Variants in RPTOR observed in about 807,000 individuals in gnomAD.
The protein encoded by RPTOR is regulatory associated protein of MTOR complex 1, also known as regulatory-associated protein of mTOR.
In RPTOR, 21 loss-of-function variants were observed where a neutral mutation model predicts 169.9. The ratio of observed to expected loss-of-function variants is 0.12; its 90% confidence interval spans 0.09 to 0.18. The LOEUF is 0.18. RPTOR is among the 10% of genes least tolerant of loss of function. The pLI, the probability that RPTOR is intolerant of heterozygous loss-of-function variation, is 1.00. For synonymous variants in RPTOR, 732 were observed against 753.2 expected (o/e 0.97, Z 0.46); for missense variants, 1,133 against 1,855.9 (o/e 0.61, Z 7.16).
At chr17:80,914,843 G>C (rs1248293432) in intron 21 of RPTOR, among the ~76,000 whole-genome samples, 1 of 152,248 alleles carries the variant, frequency 6.6e-6, no homozygotes, top group Non-Finnish European at 1.5e-5. Flanking sequence ...GGGCAGAAAG[G>C]GGCAGGTCCC....
chr17:80,646,317 T>C lies in RPTOR; in HGVS notation c.348+2507T>C, dbSNP rs1207554893. Reference sequence around the variant, plus strand: ...AGAAATTAGCCTAAGGTAACGGATGTCACAGGATACCTCTGACCGGCTCCC... The same window carrying C: ...AGAAATTAGCCTAAGGTAACGGATGCCACAGGATACCTCTGACCGGCTCCC... On this transcript the variant is annotated intron_variant, in intron 3 of 33. Coordinates refer to ENST00000306801, the MANE Select transcript of RPTOR (RefSeq NM_020761.3). This position sits in a 1 kb window ranked among gnomAD's most constrained non-coding sequence, Gnocchi z 5.0. Among the ~76,000 whole-genome samples the C allele has an allele frequency of 6.6e-6, 1 of 152,216 alleles. No homozygotes were observed. The highest frequency in any genetic ancestry group is 1.5e-5 in the Non-Finnish European group (1 of 68,040).
intron 21 of RPTOR, among the ~76,000 whole-genome samples, chr17:80,910,560 G>A (rs1220633583): frequency 1.3e-5 from 2 of 152,114 alleles, no homozygotes; most frequent in Non-Finnish European, 2.9e-5. Context: ...GCGTTGCCTC[G>A]GGTATCACTC....
intron 1 of RPTOR, among the ~76,000 whole-genome samples, chr17:80,567,332 C>T (rs1442542567): frequency 6.6e-6 from 1 of 151,286 alleles, no homozygotes; most frequent in African/African-American, 2.4e-5. Flanking sequence ...TTCAATATTA[C>T]ATCTTTAAGT....
rs75551483 is a variant in RPTOR at position 80,831,600 on chromosome 17, G to A, written c.1137-6322G>A. Among the ~76,000 whole-genome samples, 1,287 of 152,318 alleles carry A rather than the reference G, an allele frequency of 8.4e-3. 17 individuals are homozygous for A. The highest frequency in any genetic ancestry group is 0.029 in the African/African-American group (1,198 of 41,564). ...TATCACTGTCCATCGGAATCCCGCC[G>A]AGGCTCTGGAGGCAGAGATGTCAGA... On this transcript the variant is annotated intron_variant, in intron 9 of 33. Transcript: ENST00000306801.
At chr17:80,867,636 A>C (rs571468764) in intron 13 of RPTOR, among the ~76,000 whole-genome samples, 1 of 152,234 alleles carries the variant, frequency 6.6e-6, no homozygotes, top group Non-Finnish European at 1.5e-5. Flanking sequence ...AGTTTAATCT[A>C]TTTTAAAGTG....
At chr17:80,921,169 A>C (rs568723182) in intron 21 of RPTOR, among the ~76,000 whole-genome samples, 3 of 152,346 alleles carry the variant, frequency 2.0e-5, no homozygotes, top group Admixed American at 6.5e-5. Context: ...ATTCTAAGTG[A>C]ATAATTAAAA....
chr17:80,653,292 C>T (rs2065654706), intron 3 of RPTOR, among the ~76,000 whole-genome samples: 2 of 152,200 alleles, frequency 1.3e-5, no homozygotes. Flanking sequence ...CACCGTGGCT[C>T]ATGCCCGTGG....
Position 80,618,331 on chromosome 17 carries a change from A to G in RPTOR, c.163-7360A>G, listed in dbSNP as rs150695700. On this transcript the variant is annotated intron_variant, in intron 1 of 33. Transcript: ENST00000306801. Reference sequence around the variant, plus strand: ...TAATAAACTTTTTTTCCCCCAGAATAAAACTAGCACCTTTAAAGTGAGCTA... The same window carrying G: ...TAATAAACTTTTTTTCCCCCAGAATGAAACTAGCACCTTTAAAGTGAGCTA... Among the ~76,000 whole-genome samples the G allele has an allele frequency of 4.2e-3, 634 of 152,308 alleles. 4 individuals are homozygous for G. The highest frequency in any genetic ancestry group is 7.5e-3 in the Non-Finnish European group (512 of 68,030).
At chr17:80,822,106 T>G in intron 7 of RPTOR, 95 bp from the exon 8 acceptor site, 1 of 1,158,242 alleles carries the variant, frequency 8.6e-7, no homozygotes, top group South Asian at 1.2e-5. Context: ...GCTCAGAGCC[T>G]TTCGCCGCCC....
intron 6 of RPTOR, among the ~76,000 whole-genome samples, chr17:80,755,695 T>TGC (rs926155368): frequency 2.3e-4 from 33 of 142,076 alleles, no homozygotes; most frequent in Non-Finnish European, 4.5e-5. Flanking sequence ...GCCAAGATTG[T>TGC]GCCAGTGTAC....
At chr17:80,767,501 C>A (rs867141236) in intron 6 of RPTOR, among the ~76,000 whole-genome samples, 4 of 152,302 alleles carry the variant, frequency 2.6e-5, no homozygotes, top group South Asian at 4.1e-4. Context: ...GTTATCAAAT[C>A]TGACAGAAGA....
Position 80,959,578 on chromosome 17 carries a change from C to T in RPTOR, c.3478-500C>T, listed in dbSNP as rs918036990. Among the ~76,000 whole-genome samples, 2 of 152,230 alleles carry T rather than the reference C, an allele frequency of 1.3e-5. No individual in the cohort carries two copies. Among genetic ancestry groups the T allele is most frequent in the Non-Finnish European group, 2.9e-5 (2 of 68,036 alleles). Reference sequence around the variant, plus strand: ...GCCATCGCCCCCGCCCCCGCTTCTCCAGCACTTAGAGCCCCCGAGGGAGCC... The same window carrying T: ...GCCATCGCCCCCGCCCCCGCTTCTCTAGCACTTAGAGCCCCCGAGGGAGCC... On this transcript the variant is annotated intron_variant, in intron 29 of 33. Coordinates refer to ENST00000306801, the MANE Select transcript of RPTOR (RefSeq NM_020761.3). This position sits in a 1 kb window ranked among gnomAD's most constrained non-coding sequence, Gnocchi z 6.7.
At chr17:80,760,112 T>C (rs1268288921) in intron 6 of RPTOR, among the ~76,000 whole-genome samples, 1 of 152,058 alleles carries the variant, frequency 6.6e-6, no homozygotes, top group East Asian at 1.9e-4. Context: ...GCCAGGAGTA[T>C]GCGGGTGGGA....
chr17:80,876,640 A>C (rs1314916095), intron 13 of RPTOR, among the ~76,000 whole-genome samples: 763 of 31,206 alleles, frequency 0.024, no homozygotes, highest in Middle Eastern at 0.048. Flanking sequence ...CTGGGTCTTC[A>C]CACCGAGCCC....
intron 24 of RPTOR, among the ~76,000 whole-genome samples, chr17:80,933,132 G>C: frequency 6.6e-6 from 1 of 152,190 alleles, no homozygotes; most frequent in East Asian, 1.9e-4. Context: ...ATTATAGCCA[G>C]GGAAGTTAGG....
At chr17:80,877,846 C>T (rs2068139499) in intron 13 of RPTOR, among the ~76,000 whole-genome samples, 1 of 152,220 alleles carries the variant, frequency 6.6e-6, no homozygotes, top group Non-Finnish European at 1.5e-5. Context: ...GCTCCCTGAC[C>T]ACCCGCTCCC....
At chr17:80,841,182 G>C (rs1288354894) in intron 10 of RPTOR, among the ~76,000 whole-genome samples, 2 of 120,886 alleles carry the variant, frequency 1.7e-5, no homozygotes. Flanking sequence ...CCGCACGGCA[G>C]CTCACACTCA....
At chr17:80,777,235 CAA>C (rs796854498) in intron 6 of RPTOR, among the ~76,000 whole-genome samples, 6 of 122,120 alleles carry the variant, frequency 4.9e-5, no homozygotes, top group Admixed American at 1.7e-4. Flanking sequence ...AAGACCCTCT[CAA>C]AAAAAAAAAA....
At chr17:80,689,391 A>ATCCGTCTT (rs1377638232) in intron 3 of RPTOR, among the ~76,000 whole-genome samples, 6 of 152,238 alleles carry the variant, frequency 3.9e-5, no homozygotes, top group African/African-American at 1.4e-4. Flanking sequence ...GCTCCCTGAC[A>ATCCGTCTT]TCCGTCTTTC....
Sources: gnomAD v4.1 joint callset for allele counts (sites outside exome capture counted in the v4.1 genomes callset) on GRCh38, gnomAD v4.1.1 for gene constraint, Gnocchi (gnomAD v3.1) non-coding constraint, MANE v1.5 for transcripts, NCBI Gene and HGNC (gene_info 2026-07-23, HGNC 2026-07-21) for gene names.